RASA1: variants seen among roughly 807,000 people sequenced by gnomAD.
RASA1 encodes the protein ras GTPase-activating protein 1.
A neutral mutation model predicts 132.2 loss-of-function variants in RASA1; 25 were observed. The observed-to-expected ratio is 0.19, with a 90% CI of 0.14 to 0.26. RASA1 has a LOEUF of 0.26. Ranked by LOEUF, RASA1 falls within the 10% of genes least tolerant of loss-of-function variation. RASA1 has a pLI of 1.00. For synonymous variants in RASA1, 477 were observed against 449.9 expected (o/e 1.06, Z -0.76); for missense variants, 964 against 1,299.2 (o/e 0.74, Z 3.97).
At chr5:87,288,610 T>G (rs965494680) in intron 1 of RASA1, among the ~76,000 whole-genome samples, 2 of 152,148 alleles carry the variant, frequency 1.3e-5, no homozygotes, top group African/African-American at 4.8e-5. Flanking sequence ...GTCATCTAAG[T>G]ACAAGTGAGT....
chr5:87,278,991 C>T (rs1754195127), intron 1 of RASA1, among the ~76,000 whole-genome samples: 1 of 128,368 alleles, frequency 7.8e-6, no homozygotes, highest in Non-Finnish European at 1.6e-5. Context: ...TTCCTGTAAT[C>T]TCAGCACTTT....
intron 8 of RASA1, 52 bp from the exon 9 acceptor site, chr5:87,353,105 G>T (rs1759396385): frequency 7.0e-7 from 1 of 1,422,832 alleles, no homozygotes; most frequent in Non-Finnish European, 9.9e-7. Flanking sequence ...TATTTTTAAA[G>T]ATTTTGCAGT....
intron 5 of RASA1, 150 bp downstream of exon 5, chr5:87,338,241 G>A: frequency 7.9e-7 from 1 of 1,261,680 alleles, no homozygotes; most frequent in East Asian, 2.6e-5. Flanking sequence ...CTGTTTGTTA[G>A]TATGGAACAT....
chr5:87,351,650 T>C (rs137857752), intron 8 of RASA1, among the ~76,000 whole-genome samples: 120 of 151,858 alleles, frequency 7.9e-4, no homozygotes, highest in Admixed American at 1.2e-3. Context: ...CTGGAACTTA[T>C]ATGAATGTCT....
chr5:87,382,239 C>T (rs1761770045), intron 20 of RASA1, among the ~76,000 whole-genome samples: 2 of 152,200 alleles, frequency 1.3e-5, no homozygotes, highest in South Asian at 2.1e-4. Flanking sequence ...GCATGAGCCA[C>T]CATGCCCAGC....
intron 9 of RASA1, among the ~76,000 whole-genome samples, chr5:87,354,127 T>C (rs992268465): frequency 6.6e-6 from 1 of 151,876 alleles, no homozygotes; most frequent in Non-Finnish European, 1.5e-5. Flanking sequence ...CTTATTGCAG[T>C]TAATTGGTGG....
rs183627047 is a variant in RASA1, at chr5:87,305,420, G to C, written c.540-25928G>C. Among the ~76,000 whole-genome samples, 1,079 of 152,228 alleles carry C rather than the reference G, an allele frequency of 7.1e-3. 10 individuals carry two copies. The highest frequency in any genetic ancestry group is 0.011 in the Non-Finnish European group (720 of 68,018). On this transcript the variant is annotated intron_variant, in intron 1 of 24. Transcript: ENST00000274376. ...GGGAAAGGACTATTAAATGGTGCTGGGATAACTGGCTAGCCATATGCAGGT... is the reference window on the plus strand; with the variant it reads ...GGGAAAGGACTATTAAATGGTGCTGCGATAACTGGCTAGCCATATGCAGGT...
chr5:87,352,553 T>G (rs115199307), intron 8 of RASA1, among the ~76,000 whole-genome samples: 455 of 151,762 alleles, frequency 3.0e-3, no homozygotes, highest in Non-Finnish European at 5.6e-3. Flanking sequence ...GTCATTTTAT[T>G]TTTTTGTAAT....
chr5:87,281,435 A>G (rs1754314392), intron 1 of RASA1, among the ~76,000 whole-genome samples: 1 of 151,862 alleles, frequency 6.6e-6, no homozygotes, highest in Non-Finnish European at 1.5e-5. Context: ...TTTTCTTAAT[A>G]ATAGCTATCC....
chr5:87,361,322 TAGTAA>T (rs1329475986), intron 9 of RASA1, among the ~76,000 whole-genome samples: 4 of 152,234 alleles, frequency 2.6e-5, no homozygotes, highest in African/African-American at 9.6e-5. Flanking sequence ...CTTATTATTT[TAGTAA>T]TTTTGTAGCA....
At chr5:87,316,152 A>G (rs937982765) in intron 1 of RASA1, among the ~76,000 whole-genome samples, 8 of 152,224 alleles carry the variant, frequency 5.3e-5, no homozygotes, top group Admixed American at 3.3e-4. Flanking sequence ...AGCAAATTAC[A>G]AGTATAAATT....
chr5:87,362,933 G>T, intron 10 of RASA1, among the ~76,000 whole-genome samples: 1 of 145,652 alleles, frequency 6.9e-6, no homozygotes, highest in South Asian at 2.2e-4. Flanking sequence ...AACTCCTTAT[G>T]GCACATGGCA....
chr5:87,306,449 G>A lies in RASA1; in HGVS notation c.540-24899G>A, dbSNP rs145290196. On this transcript the variant is annotated intron_variant, in intron 1 of 24. Transcript: ENST00000274376. ...CACATAGAGGGGAACAACACACACT[G>A]GGGCCTAATTGAGGGTGGAGGGTGG... is the stretch of plus-strand genomic sequence containing the variant. Among the ~76,000 whole-genome samples the A allele has an allele frequency of 2.6e-3, 403 of 152,150 alleles. 5 individuals are homozygous for A. Among genetic ancestry groups the A allele is most frequent in the East Asian group, 8.1e-3 (42 of 5,160 alleles).
At chr5:87,290,541 T>C (rs754157144) in intron 1 of RASA1, among the ~76,000 whole-genome samples, 2 of 152,240 alleles carry the variant, frequency 1.3e-5, no homozygotes, top group Non-Finnish European at 2.9e-5. Context: ...CTTGGCATTG[T>C]ACATTCTATA....
rs552462096 is a variant in RASA1, at chr5:87,386,647, T to C, written c.2848-179T>C. On this transcript the variant is annotated intron_variant, in intron 22 of 24. Coordinates refer to ENST00000274376, the MANE Select transcript of RASA1 (RefSeq NM_002890.3). ...GATTTAATTAATTCTTGTGAATGTGTTGCTGCTGCTACACCTAATTTATAA... is the reference window on the plus strand; with the variant it reads ...GATTTAATTAATTCTTGTGAATGTGCTGCTGCTGCTACACCTAATTTATAA... Among the ~76,000 whole-genome samples, 7 of 152,222 alleles carry C rather than the reference T, an allele frequency of 4.6e-5. No individual in the cohort carries two copies. The East Asian group carries it at 9.6e-4, about 21-fold the overall frequency.
At chr5:87,309,150 T>C (rs1755754040) in intron 1 of RASA1, among the ~76,000 whole-genome samples, 1 of 152,148 alleles carries the variant, frequency 6.6e-6, no homozygotes, top group Non-Finnish European at 1.5e-5. Flanking sequence ...ATTTAAGGGA[T>C]GACATTTTTA....
At chr5:87,382,351 A>G (rs935058010) in intron 20 of RASA1, among the ~76,000 whole-genome samples, 6 of 152,244 alleles carry the variant, frequency 3.9e-5, no homozygotes, top group Non-Finnish European at 7.3e-5. Context: ...GGTAAATGCT[A>G]AGAAATTGGG....
At chr5:87,273,768 G>A (rs560948700) in intron 1 of RASA1, among the ~76,000 whole-genome samples, 1 of 150,648 alleles carries the variant, frequency 6.6e-6, no homozygotes, top group South Asian at 2.1e-4. Flanking sequence ...TGTGATCTTG[G>A]CTCACTGCAA....
intron 11 of RASA1, among the ~76,000 whole-genome samples, chr5:87,368,320 C>G (rs894068280): frequency 6.6e-6 from 1 of 151,978 alleles, no homozygotes; most frequent in Non-Finnish European, 1.5e-5. Flanking sequence ...TTTAAAGATA[C>G]AGTTTCTGGC....
Sources: gnomAD v4.1 joint callset for allele counts (sites outside exome capture counted in the v4.1 genomes callset) on GRCh38, gnomAD v4.1.1 for gene constraint, MANE v1.5 for transcripts, NCBI Gene and HGNC (gene_info 2026-07-23, HGNC 2026-07-21) for gene names.